The following ADAMTSL1 variants were observed in gnomAD, a reference collection of about 807,000 sequenced individuals.
ADAMTSL1 encodes ADAMTS-like protein 1.
ADAMTSL1 carries 126 observed loss-of-function variants against 201.8 expected under a neutral mutation model. That is an observed-to-expected ratio of 0.62 (90% confidence interval 0.54 to 0.72). The LOEUF is 0.72. Among genes scored for constraint, ADAMTSL1 ranks in the 30% least tolerant of loss-of-function variants. The pLI, the probability that ADAMTSL1 is intolerant of heterozygous loss-of-function variation, is 0.00. For missense variants in ADAMTSL1, 2,679 were observed against 2,277.8 expected (o/e 1.18, Z -3.59); for synonymous variants, 1,121 against 903.4 (o/e 1.24, Z -4.32).
At chr9:18,563,626 C>G (rs61622882) in intron 3 of ADAMTSL1, among the ~76,000 whole-genome samples, 2 of 152,336 alleles carry the variant, frequency 1.3e-5, no homozygotes, top group East Asian at 3.9e-4. Flanking sequence ...TCCCCTTCAC[C>G]CAGGTGCTCT....
chr9:18,685,491 C>T lies in ADAMTSL1; in HGVS notation c.1574+691C>T, dbSNP rs143405632. On this transcript the variant is annotated intron_variant, in intron 13 of 28. Coordinates refer to ENST00000380548, the MANE Select transcript of ADAMTSL1 (RefSeq NM_001040272.6). Reference sequence around the variant, plus strand: ...ATAGCTGCTACATCACTTTTACAAACGAGGGGATACAATTGATTGAAAAAT... The same window carrying T: ...ATAGCTGCTACATCACTTTTACAAATGAGGGGATACAATTGATTGAAAAAT... Among the ~76,000 whole-genome samples, 245 of 152,218 alleles carry T rather than the reference C, an allele frequency of 1.6e-3. 1 individual carries two copies. The highest frequency in any genetic ancestry group is 5.1e-3 in the African/African-American group (210 of 41,526).
At chr9:18,478,018 T>C (rs888875636) in intron 1 of ADAMTSL1, among the ~76,000 whole-genome samples, 2 of 152,210 alleles carry the variant, frequency 1.3e-5, no homozygotes, top group Non-Finnish European at 2.9e-5. Context: ...AATAAATGCA[T>C]GTATGTATTT....
chr9:18,251,658 C>A (rs1281535735), intron 2 of ADAMTSL1, among the ~76,000 whole-genome samples: 1 of 151,892 alleles, frequency 6.6e-6, no homozygotes, highest in Non-Finnish European at 1.5e-5. Flanking sequence ...GTGACAAGAC[C>A]CAAGAAAGTC....
chr9:18,402,680 C>A (rs887874759), intron 2 of ADAMTSL1, among the ~76,000 whole-genome samples: 2 of 152,166 alleles, frequency 1.3e-5, no homozygotes, highest in Non-Finnish European at 2.9e-5. Flanking sequence ...CTTTCTTGCT[C>A]CAGGCCTTTG....
chr9:18,361,358 A>T (rs1391642869), intron 2 of ADAMTSL1, among the ~76,000 whole-genome samples: 1 of 152,178 alleles, frequency 6.6e-6, no homozygotes, highest in African/African-American at 2.4e-5. Flanking sequence ...TTTTTAGTGT[A>T]TTTCACTTGG....
intron 1 of ADAMTSL1, among the ~76,000 whole-genome samples, chr9:18,501,710 A>C (rs1172234261): frequency 6.6e-6 from 1 of 152,208 alleles, no homozygotes; most frequent in Non-Finnish European, 1.5e-5. Context: ...AAGCAGAAAA[A>C]TCACTTTCTC....
At chr9:18,647,666 G>A (rs1373281058) in intron 7 of ADAMTSL1, among the ~76,000 whole-genome samples, 2 of 151,000 alleles carry the variant, frequency 1.3e-5, no homozygotes, top group Admixed American at 1.3e-4. Context: ...TTCAGGAGCA[G>A]GTTGTTCAGT....
chr9:17,908,114 C>T (rs966473380), intron 1 of ADAMTSL1, among the ~76,000 whole-genome samples: 6 of 152,122 alleles, frequency 3.9e-5, no homozygotes, highest in Admixed American at 1.3e-4. Flanking sequence ...CAGAAGGGCC[C>T]GGAGCAGCAG....
chr9:18,542,462 G>A (rs137995040), intron 3 of ADAMTSL1, among the ~76,000 whole-genome samples: 44 of 152,286 alleles, frequency 2.9e-4, no homozygotes, highest in African/African-American at 1.0e-3. Context: ...ATTTGGAGTT[G>A]TGGTCTTTAA....
chr9:17,941,989 C>T (rs1418457907), intron 1 of ADAMTSL1, among the ~76,000 whole-genome samples: 1 of 152,148 alleles, frequency 6.6e-6, no homozygotes, highest in African/African-American at 2.4e-5. Context: ...ACTACCGTCA[C>T]ATTGGAGGTT....
chr9:18,580,059 G>T (rs1822998499), intron 4 of ADAMTSL1, among the ~76,000 whole-genome samples: 1 of 152,064 alleles, frequency 6.6e-6, no homozygotes, highest in Non-Finnish European at 1.5e-5. Flanking sequence ...AAAAGAAAAA[G>T]TATGATTATA....
At chr9:18,166,522 C>T (rs1372322966) in intron 2 of ADAMTSL1, among the ~76,000 whole-genome samples, 3 of 151,920 alleles carry the variant, frequency 2.0e-5, no homozygotes, top group East Asian at 1.9e-4. Context: ...TCTGTCACGA[C>T]GTCTCTTCAA....
chr9:18,836,641 G>A (rs1329713561), intron 23 of ADAMTSL1, among the ~76,000 whole-genome samples: 2 of 152,050 alleles, frequency 1.3e-5, no homozygotes, highest in African/African-American at 2.4e-5. Flanking sequence ...GAAAAATGAG[G>A]TTGATAGTTT....
intron 1 of ADAMTSL1, among the ~76,000 whole-genome samples, chr9:18,153,921 A>T (rs76953175): frequency 2.0e-5 from 3 of 152,184 alleles, no homozygotes; most frequent in South Asian, 4.1e-4. Context: ...CACGGCTTTA[A>T]TGTTTTCTAC....
In ADAMTSL1 at chr9:18,346,121, T is replaced by C. The variant is rs1449367504; in HGVS notation, c.208-158708T>C. ...AGCCTTCTGTTTCCTCAGGTTTTTA[T>C]TTATTTGTTTAAATTTAACAAACAC... On this transcript the variant is annotated intron_variant, in intron 2 of 29. Coordinates refer to the ADAMTSL1 transcript ENST00000680146. Among the ~76,000 whole-genome samples, 3 of 152,180 alleles carry C rather than the reference T, an allele frequency of 2.0e-5. No homozygotes were observed. In the East Asian group the frequency reaches 5.8e-4, roughly 29 times the overall value.
intron 25 of ADAMTSL1, among the ~76,000 whole-genome samples, chr9:18,890,032 C>T (rs1588317915): frequency 6.6e-6 from 1 of 152,278 alleles, no homozygotes; most frequent in East Asian, 1.9e-4. Context: ...GCTTCCCAGG[C>T]CCTGGCAAGC....
At chr9:18,286,163 T>A (rs1832986761) in intron 2 of ADAMTSL1, among the ~76,000 whole-genome samples, 1 of 152,202 alleles carries the variant, frequency 6.6e-6, no homozygotes, top group South Asian at 2.1e-4. Flanking sequence ...GCCAACCATG[T>A]TCTAGCAAAC....
Position 18,080,600 on chromosome 9 carries a change from C to G in ADAMTSL1, c.88-83262C>G, listed in dbSNP as rs1342098377. Among the ~76,000 whole-genome samples, 3 of 152,156 alleles carry G rather than the reference C, an allele frequency of 2.0e-5. No individual in the cohort carries two copies. The East Asian group carries it at 5.8e-4, about 29-fold the overall frequency. ...AGTCACTTAGCCCTGAATACCAAAA[C>G]CCTACATTGAAAGAGTAGCTTACAA... On this transcript the variant is annotated intron_variant, in intron 1 of 29. Coordinates refer to the ADAMTSL1 transcript ENST00000680146.
intron 1 of ADAMTSL1, among the ~76,000 whole-genome samples, chr9:17,944,706 C>A (rs1484337230): frequency 7.3e-6 from 1 of 136,068 alleles, no homozygotes; most frequent in African/African-American, 2.8e-5. Flanking sequence ...GAAAAACAAG[C>A]AATGGGGAAA....
Sources: gnomAD v4.1 joint callset for allele counts (sites outside exome capture counted in the v4.1 genomes callset) on GRCh38, gnomAD v4.1.1 for gene constraint, MANE v1.5 for transcripts, NCBI Gene and HGNC (gene_info 2026-07-23, HGNC 2026-07-21) for gene names.